Variants in NAA15 observed in about 807,000 individuals in gnomAD.
The protein encoded by NAA15 is N-alpha-acetyltransferase 15, NatA auxiliary subunit.
A neutral mutation model predicts 114.0 loss-of-function variants in NAA15; 34 were observed. That is an observed-to-expected ratio of 0.30 (90% CI 0.23 to 0.40). The LOEUF is 0.40. Among genes scored for constraint, NAA15 ranks in the 10% least tolerant of loss-of-function variants. The pLI, the probability that NAA15 is intolerant of heterozygous loss-of-function variation, is 1.00. For synonymous variants in NAA15, 340 were observed against 338.0 expected (o/e 1.01, Z -0.06); for missense variants, 658 against 1,004.5 (o/e 0.66, Z 4.66).
chr4:139,387,344 G>T (rs1176946915), intron 19 of NAA15, among the ~76,000 whole-genome samples: 3 of 152,192 alleles, frequency 2.0e-5, no homozygotes, highest in Admixed American at 2.0e-4. Flanking sequence ...AATTTTTCTT[G>T]CAAATAATCA....
At chr4:139,386,986 C>T (rs1388711585) in intron 19 of NAA15, among the ~76,000 whole-genome samples, 1 of 152,018 alleles carries the variant, frequency 6.6e-6, no homozygotes, top group East Asian at 1.9e-4. Context: ...TATAATTTGC[C>T]AGATAAACAT....
chr4:139,345,015 T>G (rs907346620), intron 6 of NAA15, among the ~76,000 whole-genome samples: 1 of 152,224 alleles, frequency 6.6e-6, no homozygotes, highest in Non-Finnish European at 1.5e-5. Flanking sequence ...AGTGATTTTT[T>G]AAAAAATTAC....
intron 15 of NAA15, among the ~76,000 whole-genome samples, chr4:139,375,408 A>G (rs1748554056): frequency 6.6e-6 from 1 of 151,938 alleles, no homozygotes; most frequent in Non-Finnish European, 1.5e-5. Context: ...TTTACACACT[A>G]GGACGTGGTG....
At chr4:139,310,453 CAA>C (rs770200901) in intron 1 of NAA15, among the ~76,000 whole-genome samples, 5 of 53,782 alleles carry the variant, frequency 9.3e-5, no homozygotes, top group Admixed American at 2.1e-4. Flanking sequence ...GACTCCGTCT[CAA>C]AAAAAAAAAA....
chr4:139,329,953 C>G (rs777692440), intron 1 of NAA15, among the ~76,000 whole-genome samples: 5 of 152,168 alleles, frequency 3.3e-5, no homozygotes, highest in Non-Finnish European at 7.3e-5. Flanking sequence ...ATTACTAGAG[C>G]TCATCATGTT....
intron 1 of NAA15, among the ~76,000 whole-genome samples, chr4:139,306,486 C>T (rs954257084): frequency 8.6e-5 from 13 of 151,768 alleles, no homozygotes; most frequent in African/African-American, 1.2e-4. Context: ...CTGCCTGCCT[C>T]GGCCTCCCAA....
At chr4:139,322,003 A>T (rs1407789422) in intron 1 of NAA15, among the ~76,000 whole-genome samples, 1 of 152,070 alleles carries the variant, frequency 6.6e-6, no homozygotes, top group Non-Finnish European at 1.5e-5. Context: ...ATCCTAGGAT[A>T]TTTAATGTCT....
rs1747988441 is a variant in NAA15, at chr4:139,357,289, T to C, written c.1088-97T>C. On this transcript the variant is annotated intron_variant, in intron 10 of 19. Coordinates refer to ENST00000296543, the MANE Select transcript of NAA15 (RefSeq NM_057175.5). ...TAGATACATAAATAAACTCCTTTCA[T>C]AGTACCTCCCTTGTTAATAAACATA... 9.1e-6 allele frequency: 9 copies of C among 991,616 alleles called. No individual in the cohort carries two copies. In the South Asian group the frequency reaches 1.0e-4, roughly 11 times the overall value. 61.4% of individuals were successfully genotyped at this position (991,616 alleles called of 1,614,324 possible). A position where few individuals can be genotyped will look rare whatever the true frequency, so the allele number is the denominator to read the frequency against.
chr4:139,327,494 T>G (rs1029907676), intron 1 of NAA15, among the ~76,000 whole-genome samples: 1 of 152,186 alleles, frequency 6.6e-6, no homozygotes, highest in African/African-American at 2.4e-5. Flanking sequence ...CCTTAGGTGA[T>G]CTGCCCACCT....
rs1206471694 is a variant in NAA15 at position 139,388,833 on chromosome 4, T to C, written c.*749T>C. 1 of 152,586 alleles carries C rather than the reference T, an allele frequency of 6.6e-6. No individual in the cohort carries two copies. The highest frequency in any genetic ancestry group is 2.4e-5 in the African/African-American group (1 of 41,436). 9.5% of individuals were successfully genotyped at this position (152,586 alleles called of 1,614,324 possible). A position where few individuals can be genotyped will look rare whatever the true frequency, so the allele number is the denominator to read the frequency against. ...AACAATGCAAACCTTTCAGCATTGT[T>C]TGGCCAAACTTGTTAAAACTGTAAT... On this transcript the variant is annotated 3_prime_UTR_variant, in exon 20 of 20. Coordinates refer to ENST00000296543, the MANE Select transcript of NAA15 (RefSeq NM_057175.5).
chr4:139,382,070 C>T (rs1320462574), intron 17 of NAA15, among the ~76,000 whole-genome samples: 2 of 152,064 alleles, frequency 1.3e-5, no homozygotes, highest in Non-Finnish European at 2.9e-5. Flanking sequence ...CTCCCCTGCC[C>T]ACTAGTCTTT....
chr4:139,386,090 T>G lies in NAA15; in HGVS notation c.2303-43T>G, dbSNP rs1748902045. ...TTTAAATAAGTAGAGGATAAGATGT[T>G]GGTTTTACCTTGAAATAAATTTCCT... On this transcript the variant is annotated intron_variant, in intron 18 of 19. Coordinates refer to ENST00000296543, the MANE Select transcript of NAA15 (RefSeq NM_057175.5). 1.1e-5 allele frequency: 11 copies of G among 1,044,708 alleles called. No homozygotes were observed. In the East Asian group the frequency reaches 2.7e-4, roughly 26 times the overall value. The allele number at this position is 1,044,708 out of a possible 1,614,324, so 64.7% of individuals were successfully genotyped here.
At chr4:139,368,668 A>C (rs1375372555) in intron 14 of NAA15, among the ~76,000 whole-genome samples, 1 of 152,086 alleles carries the variant, frequency 6.6e-6, no homozygotes. Flanking sequence ...TGTATAGTAC[A>C]TGTTACTCCT....
chr4:139,329,943 A>G (rs1489856603), intron 1 of NAA15, among the ~76,000 whole-genome samples: 1 of 152,168 alleles, frequency 6.6e-6, no homozygotes, highest in Admixed American at 6.6e-5. Flanking sequence ...AAGTGGTGGC[A>G]TTACTAGAGC....
In NAA15 at chr4:139,349,563, GA is replaced by G; in HGVS notation, c.798del (p.Ala267HisfsTer8). On this transcript the variant is annotated frameshift_variant, in exon 7 of 20. Coordinates refer to ENST00000296543, the MANE Select transcript of NAA15 (RefSeq NM_057175.5). LOFTEE classifies it high-confidence loss of function. Reference protein sequence around the residue: ...PENWAYYKGLEKALKPANMLE... With the variant: ...PENWAYYKGLXKALKPANMLE... ...AAACTGGGCCTATTACAAAGGCTTG[GA>G]AAAAGCACTCAAGCCAGGTAGTATT... is the stretch of plus-strand genomic sequence containing the variant. The G allele has an allele frequency of 1.9e-6, 3 of 1,609,122 alleles. No homozygotes were observed. The highest frequency in any genetic ancestry group is 3.4e-5 in the Admixed American group (2 of 58,976).
chr4:139,362,492 C>T (rs1252311404), intron 14 of NAA15, among the ~76,000 whole-genome samples: 2 of 152,068 alleles, frequency 1.3e-5, no homozygotes, highest in East Asian at 3.9e-4. Flanking sequence ...AGGCTGGTCT[C>T]GAACCCCTGA....
intron 1 of NAA15, among the ~76,000 whole-genome samples, chr4:139,308,213 G>A (rs554129940): frequency 6.6e-6 from 1 of 152,074 alleles, no homozygotes; most frequent in African/African-American, 2.4e-5. Flanking sequence ...TGCCCGCCTT[G>A]GCCTCCCTAA....
chr4:139,370,487 A>AT lies in NAA15; in HGVS notation c.1947+84dup. The AT allele has an allele frequency of 4.5e-6, 6 of 1,328,394 alleles. No homozygotes were observed. The South Asian group carries it at 1.3e-4, about 29-fold the overall frequency. The allele number at this position is 1,328,394 out of a possible 1,614,324, so 82.3% of individuals were successfully genotyped here. A position where few individuals can be genotyped will look rare whatever the true frequency, so the allele number is the denominator to read the frequency against. On this transcript the variant is annotated intron_variant, in intron 15 of 19. Coordinates refer to ENST00000296543, the MANE Select transcript of NAA15 (RefSeq NM_057175.5). The stretch of plus-strand genomic sequence containing the variant: ...TTTTTATACTGTCTTATTTGACAGT[A>AT]TATAACCTTATGTGATATAGGTTTT...
intron 1 of NAA15, among the ~76,000 whole-genome samples, chr4:139,302,990 C>T (rs971033140): frequency 2.0e-5 from 3 of 152,184 alleles, no homozygotes; most frequent in Non-Finnish European, 2.9e-5. Context: ...TTAGCCTTTT[C>T]CCCCGCAGTT....
Sources: gnomAD v4.1 joint callset for allele counts (sites outside exome capture counted in the v4.1 genomes callset) on GRCh38, gnomAD v4.1.1 for gene constraint, MANE v1.5 for transcripts, NCBI Gene and HGNC (gene_info 2026-07-23, HGNC 2026-07-21) for gene names.